Variants in RCL1 observed in about 807,000 individuals in gnomAD.
RCL1 encodes RNA 3'-terminal phosphate cyclase-like protein.
RCL1 carries 24 observed loss-of-function variants against 42.4 expected under a neutral mutation model. The ratio of observed to expected loss-of-function variants is 0.57; its 90% CI spans 0.41 to 0.80. The LOEUF is 0.80. Ranked by LOEUF, RCL1 falls within the 30% of genes least tolerant of loss-of-function variation. The probability of loss-of-function intolerance (pLI) is 0.00; values close to 1 mark genes in which losing one functional copy is unlikely to be tolerated. For missense variants in RCL1, 578 were observed against 467.9 expected, an observed-to-expected ratio of 1.24 and a Z score of -2.17; for synonymous variants, 228 against 177.3, an observed-to-expected ratio of 1.29 and a Z score of -2.27.
chr9:4,822,620 C>T (rs187860622), intron 1 of RCL1, among the ~76,000 whole-genome samples: 4 of 152,030 alleles, frequency 2.6e-5, no homozygotes, highest in Non-Finnish European at 5.9e-5. Flanking sequence ...GAGTTCAAGA[C>T]CAGCCTGGTG....
Position 4,827,052 on chromosome 9 carries a change from C to G in RCL1, c.384+19C>G. 7 of 1,614,072 alleles carry G rather than the reference C, an allele frequency of 4.3e-6. No homozygotes were observed. The highest frequency in any genetic ancestry group is 5.9e-6 in the Non-Finnish European group (7 of 1,179,986). Reference sequence around the variant, plus strand: ...CCCTTCAGTGAGTATTGAGAACAAACCGTGGTGTGGTTTTTGTTTTGTCTC... The same window carrying G: ...CCCTTCAGTGAGTATTGAGAACAAAGCGTGGTGTGGTTTTTGTTTTGTCTC... On this transcript the variant is annotated intron_variant, in intron 3 of 8. Coordinates refer to ENST00000381750, the MANE Select transcript of RCL1 (RefSeq NM_005772.5).
At chr9:4,818,605 G>A (rs1200229198) in intron 1 of RCL1, among the ~76,000 whole-genome samples, 2 of 152,022 alleles carry the variant, frequency 1.3e-5, no homozygotes, top group Non-Finnish European at 2.9e-5. Context: ...AAATCCGGCC[G>A]GGCTAGGTGG....
At chr9:4,802,496 A>G (rs997817842) in intron 1 of RCL1, among the ~76,000 whole-genome samples, 2 of 152,102 alleles carry the variant, frequency 1.3e-5, no homozygotes, top group African/African-American at 4.8e-5. Context: ...CTGTCTCTCT[A>G]CTTACTTAAA....
At chr9:4,854,430 G>A (rs1324350679) in intron 8 of RCL1, among the ~76,000 whole-genome samples, 1 of 152,164 alleles carries the variant, frequency 6.6e-6, no homozygotes, top group Admixed American at 6.5e-5. Context: ...AACTTCCAGA[G>A]CATGTCCTTA....
At chr9:4,849,384 T>C (rs1326243740) in intron 7 of RCL1, 63 bp from the exon 8 acceptor site, 25 of 1,269,736 alleles carry the variant, frequency 2.0e-5, no homozygotes, top group Admixed American at 3.9e-5. Flanking sequence ...GTTTTTTTTT[T>C]CCTCCTCTCT....
intron 1 of RCL1, among the ~76,000 whole-genome samples, chr9:4,808,889 A>G (rs1261184922): frequency 6.6e-6 from 1 of 152,206 alleles, no homozygotes; most frequent in Non-Finnish European, 1.5e-5. Context: ...AAAGTAATAC[A>G]TGTTTGTTTG....
chr9:4,841,342 G>T lies in RCL1; in HGVS notation c.695G>T (p.Gly232Val). The change falls in exon 6 of 9, where the codon GGA (glycine) becomes GTA (valine). Residue 232 changes from glycine (G) to valine (V), a missense_variant. Gly to Val is a moderately radical substitution (Grantham distance 109, BLOSUM62 -3). Transcript: ENST00000381750. ...TATATTTACACAGATCACATGAAAG[G>T]AGTCAACTCTGGGAAGTAAGTATCT... Reference protein sequence around the residue: ...DIYIYTDHMKGVNSGKSPGFG... With the variant: ...DIYIYTDHMKVVNSGKSPGFG... 3 of 1,612,546 alleles carry T rather than the reference G, an allele frequency of 1.9e-6. No individual in the cohort carries two copies. Among genetic ancestry groups the T allele is most frequent in the Non-Finnish European group, 2.5e-6 (3 of 1,178,660 alleles).
At chr9:4,828,772 T>C (rs1404603814) in intron 3 of RCL1, among the ~76,000 whole-genome samples, 1 of 152,188 alleles carries the variant, frequency 6.6e-6, no homozygotes, top group Non-Finnish European at 1.5e-5. Flanking sequence ...TTAAAAATTT[T>C]ATATGCTAAC....
At chr9:4,811,459 T>C (rs1389661962) in intron 1 of RCL1, among the ~76,000 whole-genome samples, 2 of 152,146 alleles carry the variant, frequency 1.3e-5, no homozygotes, top group Non-Finnish European at 2.9e-5. Flanking sequence ...GTAACCACTA[T>C]TCTATCCTCT....
At chr9:4,852,589 A>G (rs1228455065) in intron 8 of RCL1, among the ~76,000 whole-genome samples, 3 of 152,128 alleles carry the variant, frequency 2.0e-5, no homozygotes, top group East Asian at 3.9e-4. Flanking sequence ...CCTTGGTGTC[A>G]TTTGTAGATA....
At chr9:4,829,794 G>C (rs1209910059) in intron 3 of RCL1, among the ~76,000 whole-genome samples, 1 of 152,170 alleles carries the variant, frequency 6.6e-6, no homozygotes. Context: ...CATTATGATA[G>C]GGCAGTGTGA....
chr9:4,817,584 C>T (rs1319324696), intron 1 of RCL1, among the ~76,000 whole-genome samples: 1 of 151,890 alleles, frequency 6.6e-6, no homozygotes, highest in Non-Finnish European at 1.5e-5. Context: ...AGGGATCCTC[C>T]TGCCTCAGCT....
chr9:4,851,284 G>A (rs1319201493), intron 8 of RCL1, among the ~76,000 whole-genome samples: 1 of 152,178 alleles, frequency 6.6e-6, no homozygotes, highest in Non-Finnish European at 1.5e-5. Context: ...GTAAGATGAT[G>A]TATCTTGAGG....
chr9:4,799,472 C>T lies in RCL1; in HGVS notation c.136+6245C>T, dbSNP rs139520820. On this transcript the variant is annotated intron_variant, in intron 1 of 8. Transcript: ENST00000381750. ...TAGAACTAGGATATTGACATTGATACAGTGAGATACAGAACATTTCTGTCA... is the reference window on the plus strand; with the variant it reads ...TAGAACTAGGATATTGACATTGATATAGTGAGATACAGAACATTTCTGTCA... Among the ~76,000 whole-genome samples, 9 of 152,266 alleles carry T rather than the reference C, an allele frequency of 5.9e-5. No individual in the cohort carries two copies. In the East Asian group the frequency reaches 1.5e-3, roughly 26 times the overall value.
chr9:4,832,343 C>T (rs945687268), intron 3 of RCL1, among the ~76,000 whole-genome samples: 1 of 152,190 alleles, frequency 6.6e-6, no homozygotes, highest in Admixed American at 6.5e-5. Flanking sequence ...ATCACCTTCC[C>T]TTTAGCTGCC....
rs34470773 is a variant in RCL1 at position 4,857,931 on chromosome 9, C to CTTTTTTTTTTTT, written c.972-2186_972-2175dup. On this transcript the variant is annotated intron_variant, in intron 8 of 8. Coordinates refer to ENST00000381750, the MANE Select transcript of RCL1 (RefSeq NM_005772.5). ...AGGAAATATCCGTTTAGCTCTCCCA[C>CTTTTTTTTTTTT]TTTTTTTTTTTTTTTTTTTCAGTGA... 1.6e-4 allele frequency among the ~76,000 whole-genome samples: 16 copies of CTTTTTTTTTTTT among 103,036 alleles called. 2 individuals are homozygous for CTTTTTTTTTTTT. Among genetic ancestry groups the CTTTTTTTTTTTT allele is most frequent in the Non-Finnish European group, 2.0e-4 (11 of 54,992 alleles). 67.6% of individuals were successfully genotyped at this position (103,036 alleles called of 152,430 possible).
At chr9:4,854,396 T>C (rs527638180) in intron 8 of RCL1, among the ~76,000 whole-genome samples, 94 of 152,242 alleles carry the variant, frequency 6.2e-4, no homozygotes, top group African/African-American at 2.2e-3. Context: ...CAGATCCTTT[T>C]CTTATCTCCA....
chr9:4,844,407 A>C lies in RCL1; in HGVS notation c.711-118A>C, dbSNP rs1817438518. 4.1e-6 allele frequency: 3 copies of C among 726,884 alleles called. No individual in the cohort carries two copies. In the East Asian group the frequency reaches 8.1e-5, roughly 20 times the overall value. 45.0% of individuals were successfully genotyped at this position (726,884 alleles called of 1,614,324 possible). A position where few individuals can be genotyped will look rare whatever the true frequency, so the allele number is the denominator to read the frequency against. On this transcript the variant is annotated intron_variant, in intron 6 of 8. Coordinates refer to ENST00000381750, the MANE Select transcript of RCL1 (RefSeq NM_005772.5). ...ACTCTATGAGGTTAATGCAGCCAGA[A>C]AGAAGCCTTTGAACACAGTGCCGTC...
At chr9:4,841,699 A>G (rs12349470) in intron 6 of RCL1, among the ~76,000 whole-genome samples, 9 of 152,244 alleles carry the variant, frequency 5.9e-5, no homozygotes, top group Non-Finnish European at 1.0e-4. Context: ...CCCTGAGTAA[A>G]TAACAGTATA....
Sources: allele counts gnomAD v4.1 joint callset (sites outside exome capture counted in the v4.1 genomes callset), GRCh38; gene constraint gnomAD v4.1.1; transcripts MANE v1.5; gene names NCBI Gene and HGNC (gene_info 2026-07-23, HGNC 2026-07-21).